CPD: variants seen among roughly 807,000 people sequenced by gnomAD.
CPD encodes the protein metallocarboxypeptidase D.
A neutral mutation model predicts 138.3 loss-of-function variants in CPD; 69 were observed. That is an observed-to-expected ratio of 0.50 (90% CI 0.41 to 0.61). CPD has a LOEUF of 0.61. CPD is among the 20% of genes least tolerant of loss of function. The pLI is 0.00. For synonymous variants in CPD, 651 were observed against 642.1 expected, an observed-to-expected ratio of 1.01 and a Z score of -0.21; for missense variants, 1,432 against 1,733.3, an observed-to-expected ratio of 0.83 and a Z score of 3.09.
At chr17:30,439,100 G>T in intron 9 of CPD, 23 bp downstream of exon 9, 1 of 1,400,576 alleles carries the variant, frequency 7.1e-7, no homozygotes, top group South Asian at 1.3e-5. Flanking sequence ...TTATATCAAG[G>T]CCTTACAACT....
At position 30,413,752 on chromosome 17, in the gene CPD, A is replaced by G. The variant is rs563232455; in HGVS notation, c.995-7089A>G. ...AGGTGAATTGTTAAGTGTTGTAGAAAAAGCAACAAGGTAGAAAAAGGGTAA... is the reference window on the plus strand; with the variant it reads ...AGGTGAATTGTTAAGTGTTGTAGAAGAAGCAACAAGGTAGAAAAAGGGTAA... On this transcript the variant is annotated intron_variant, in intron 2 of 20. Transcript: ENST00000225719. 2.6e-5 allele frequency among the ~76,000 whole-genome samples: 4 copies of G among 152,336 alleles called. No homozygotes were observed. The East Asian group carries it at 7.7e-4, about 29-fold the overall frequency.
chr17:30,413,361 G>A (rs1912017925), intron 2 of CPD, among the ~76,000 whole-genome samples: 1 of 152,158 alleles, frequency 6.6e-6, no homozygotes. Context: ...CCCATTTCCT[G>A]CCAGACTCAA....
At chr17:30,384,886 A>G in intron 1 of CPD, 103 bp from the exon 2 acceptor site, 1 of 1,311,236 alleles carries the variant, frequency 7.6e-7, no homozygotes, top group South Asian at 1.4e-5. Flanking sequence ...GGTCTCCAAG[A>G]GAGATATTGG....
chr17:30,397,379 T>G (rs1424898365), intron 2 of CPD, among the ~76,000 whole-genome samples: 2 of 152,056 alleles, frequency 1.3e-5, no homozygotes, highest in African/African-American at 2.4e-5. Flanking sequence ...CATGCAGGTA[T>G]ATCACATTCA....
In CPD at chr17:30,456,251, T is replaced by G; in HGVS notation, c.3338-5T>G. The G allele has an allele frequency of 6.2e-7, 1 of 1,607,568 alleles. No individual in the cohort carries two copies. The highest frequency in any genetic ancestry group is 8.5e-7 in the Non-Finnish European group (1 of 1,177,024). ...CCACTGACTTCTAAATTTTTCTTTC[T>G]ATAGTGGAAAATAAAGAGACTCTGA... On this transcript the variant is annotated splice_polypyrimidine_tract_variant and splice_region_variant and intron_variant, in intron 15 of 20. Transcript: ENST00000225719.
intron 2 of CPD, among the ~76,000 whole-genome samples, chr17:30,395,121 G>A (rs1436787257): frequency 6.7e-6 from 1 of 150,194 alleles, no homozygotes; most frequent in East Asian, 2.0e-4. Context: ...TGAATTAATA[G>A]TGTTTTCTGG....
chr17:30,379,475 G>C lies in CPD; in HGVS notation c.495G>C (p.Pro165=). ...ELAAGYRRGD[P]RLVRLLNTTD... ...CGGCCGGCTACCGCCGCGGGGACCC[G>C]CGCCTGGTCCGCCTGCTCAACACCA... The change falls in exon 1 of 21, where the codon CCG becomes CCC. Residue 165 remains proline (P), a synonymous_variant. Coordinates refer to ENST00000225719, the MANE Select transcript of CPD (RefSeq NM_001304.5). This position sits in a 1 kb window ranked among gnomAD's most constrained non-coding sequence, Gnocchi z 7.0. 6.4e-7 allele frequency: 1 copy of C among 1,573,294 alleles called. No individual in the cohort carries two copies. The highest frequency in any genetic ancestry group is 1.4e-5 in the African/African-American group (1 of 70,820).
At chr17:30,406,965 G>A (rs558438198) in intron 2 of CPD, among the ~76,000 whole-genome samples, 1 of 152,092 alleles carries the variant, frequency 6.6e-6, no homozygotes, top group South Asian at 2.1e-4. Context: ...CCCTCCCCCA[G>A]TACCCCACCC....
At chr17:30,424,499 C>T (rs986472033) in intron 6 of CPD, among the ~76,000 whole-genome samples, 1 of 152,132 alleles carries the variant, frequency 6.6e-6, no homozygotes. Flanking sequence ...TTGAGATAGG[C>T]CCTGCCTATT....
At chr17:30,437,127 G>T in intron 8 of CPD, among the ~76,000 whole-genome samples, 1 of 151,830 alleles carries the variant, frequency 6.6e-6, no homozygotes, top group African/African-American at 2.4e-5. Context: ...GTGGGGGTGG[G>T]GAGTAGGGGT....
At chr17:30,460,363 A>G (rs1303469971) in intron 17 of CPD, among the ~76,000 whole-genome samples, 2 of 152,212 alleles carry the variant, frequency 1.3e-5, no homozygotes. Flanking sequence ...GAGCTATGCT[A>G]TGGGAAAACT....
At chr17:30,443,734 A>G in intron 10 of CPD, 68 bp from the exon 11 acceptor site, 1 of 1,408,622 alleles carries the variant, frequency 7.1e-7, no homozygotes, top group Non-Finnish European at 9.6e-7. Context: ...TATTTTGAAT[A>G]TGACCTCCCA....
At chr17:30,447,948 G>A (rs1222907161) in intron 12 of CPD, among the ~76,000 whole-genome samples, 1 of 152,190 alleles carries the variant, frequency 6.6e-6, no homozygotes, top group African/African-American at 2.4e-5. Context: ...ATAGTTCTCT[G>A]CTGCAAACCT....
chr17:30,464,862 A>C lies in CPD; in HGVS notation c.*48A>C. On this transcript the variant is annotated 3_prime_UTR_variant, in exon 21 of 21. Coordinates refer to ENST00000225719, the MANE Select transcript of CPD (RefSeq NM_001304.5). ...CAGCATAAGTACCAAGCAAAATTACAGTTCCTCTTGGGAGAACACTGCATT... is the reference window on the plus strand; with the variant it reads ...CAGCATAAGTACCAAGCAAAATTACCGTTCCTCTTGGGAGAACACTGCATT... The C allele has an allele frequency of 6.8e-7, 1 of 1,461,868 alleles. No individual in the cohort carries two copies. The highest frequency in any genetic ancestry group is 9.6e-7 in the Non-Finnish European group (1 of 1,045,720). 90.6% of individuals were successfully genotyped at this position (1,461,868 alleles called of 1,614,324 possible).
chr17:30,422,776 G>C lies in CPD; in HGVS notation c.1410G>C (p.Thr470=), dbSNP rs760372082. 2.5e-6 allele frequency: 4 copies of C among 1,613,986 alleles called. No homozygotes were observed. Among genetic ancestry groups the C allele is most frequent in the Non-Finnish European group, 2.5e-6 (3 of 1,179,926 alleles). ...RPTVTSVIPD[T]TEAVSTASTV... The stretch of plus-strand genomic sequence containing the variant: ...CTGTAACTTCAGTAATCCCTGACAC[G>C]ACAGAGGCTGTATCAACTGCTAGCA... Residue 470 remains threonine (T), a synonymous_variant, in exon 5 of 21, where the codon ACG becomes ACC. Transcript: ENST00000225719.
intron 1 of CPD, among the ~76,000 whole-genome samples, chr17:30,381,552 G>C (rs1911047049): frequency 6.6e-6 from 1 of 152,130 alleles, no homozygotes; most frequent in African/African-American, 2.4e-5. Flanking sequence ...ATATGGTAAA[G>C]AGTACATCCA....
intron 18 of CPD, 101 bp from the exon 19 acceptor site, chr17:30,461,767 GTTTTTGTTT>G (rs1913481116): frequency 2.4e-6 from 2 of 838,982 alleles, no homozygotes; most frequent in African/African-American, 1.7e-5. Context: ...TTTGTGTGTG[GTTTTTGTTT>G]TGTTTGTTTG....
intron 2 of CPD, among the ~76,000 whole-genome samples, chr17:30,415,995 G>A (rs1400845122): frequency 1.3e-5 from 2 of 152,180 alleles, no homozygotes; most frequent in Non-Finnish European, 2.9e-5. Flanking sequence ...TGGCAAAAGG[G>A]GAGTTGTTTA....
intron 15 of CPD, chr17:30,455,719 A>G (rs1257859988): frequency 2.6e-6 from 1 of 389,946 alleles, no homozygotes; most frequent in Non-Finnish European, 4.5e-6. Flanking sequence ...ACAAGCATTT[A>G]CTGAGCAATT....
Sources: allele counts gnomAD v4.1 joint callset (sites outside exome capture counted in the v4.1 genomes callset), GRCh38; gene constraint gnomAD v4.1.1; non-coding constraint Gnocchi (gnomAD v3.1); transcripts MANE v1.5; gene names NCBI Gene and HGNC (gene_info 2026-07-23, HGNC 2026-07-21).